The following MAF variants were observed in gnomAD, a reference collection of about 807,000 sequenced individuals.
The protein encoded by MAF is MAF bZIP transcription factor, also known as transcription factor Maf.
In MAF, 10 loss-of-function variants were observed where a neutral mutation model predicts 22.0. That is an observed-to-expected ratio of 0.45 (90% CI 0.28 to 0.77). The LOEUF is 0.77. Among genes scored for constraint, MAF ranks in the 30% least tolerant of loss-of-function variants. The probability of loss-of-function intolerance (pLI) is 0.12; values close to 1 mark genes in which losing one functional copy is unlikely to be tolerated. For synonymous variants in MAF, 337 were observed against 255.8 expected (o/e 1.32, Z -3.03); for missense variants, 544 against 548.4 (o/e 0.99, Z 0.08).
the MAF span, among the ~76,000 whole-genome samples, chr16:79,241,637 G>T: frequency 6.6e-6 from 1 of 152,060 alleles, no homozygotes; most frequent in Non-Finnish European, 1.5e-5. Context: ...TCATCCAGCA[G>T]AACTTCCCCA....
the MAF span, among the ~76,000 whole-genome samples, chr16:79,538,524 A>G: frequency 9.3e-4 from 141 of 152,350 alleles, no homozygotes; most frequent in African/African-American, 3.3e-3. Context: ...AAGAAAGAAT[A>G]TTAAACCTGA....
chr16:79,429,005 G>C, the MAF span, among the ~76,000 whole-genome samples: 1 of 152,140 alleles, frequency 6.6e-6, no homozygotes, highest in Non-Finnish European at 1.5e-5. Flanking sequence ...TCTGGAAATA[G>C]TTCATTTCGA....
chr16:79,383,496 G>T, the MAF span, among the ~76,000 whole-genome samples: 1 of 152,146 alleles, frequency 6.6e-6, no homozygotes, highest in African/African-American at 2.4e-5. Context: ...CACCAAGTTG[G>T]TTTTGAAAAG....
the MAF span, among the ~76,000 whole-genome samples, chr16:79,540,371 G>A: frequency 6.6e-6 from 1 of 152,078 alleles, no homozygotes; most frequent in African/African-American, 2.4e-5. Flanking sequence ...CTGGCTCCCA[G>A]AAGAACCATG....
the MAF span, among the ~76,000 whole-genome samples, chr16:79,249,997 T>C: frequency 6.2e-4 from 94 of 152,376 alleles, no homozygotes; most frequent in South Asian, 0.01. Context: ...CTCAATTCTC[T>C]GGCCTGGCCT....
chr16:79,207,218 T>C, the MAF span, among the ~76,000 whole-genome samples: 1 of 152,222 alleles, frequency 6.6e-6, no homozygotes, highest in African/African-American at 2.4e-5. Flanking sequence ...CCTAGTGGTG[T>C]ATTCACAGAG....
At chr16:79,531,965 C>T in the MAF span, among the ~76,000 whole-genome samples, 1 of 152,090 alleles carries the variant, frequency 6.6e-6, no homozygotes, top group Admixed American at 6.5e-5. Flanking sequence ...CGTGGGAACT[C>T]CTCTTAGGAA....
At chr16:79,562,495 G>A in the MAF span, among the ~76,000 whole-genome samples, 8 of 152,172 alleles carry the variant, frequency 5.3e-5, no homozygotes, top group Admixed American at 4.6e-4. Flanking sequence ...CATTTTGTAG[G>A]CTTAAAGGCC....
chr16:79,384,480 G>A, the MAF span, among the ~76,000 whole-genome samples: 44 of 148,986 alleles, frequency 3.0e-4, no homozygotes, highest in East Asian at 2.0e-4. Context: ...GGGAGCGGCC[G>A]GGCATGGTGG....
At chr16:79,338,120 G>A in the MAF span, among the ~76,000 whole-genome samples, 1 of 152,184 alleles carries the variant, frequency 6.6e-6, no homozygotes, top group Non-Finnish European at 1.5e-5. Flanking sequence ...CTAGTCTAGT[G>A]GTGTAGTCTT....
At chr16:79,586,359 C>T (rs1912840284) in intron 1 of MAF, among the ~76,000 whole-genome samples, 3 of 152,278 alleles carry the variant, frequency 2.0e-5, no homozygotes, top group South Asian at 4.1e-4. Flanking sequence ...GGGAGAACCA[C>T]ACTGGCCCAG....
the MAF span, among the ~76,000 whole-genome samples, chr16:79,344,433 T>C: frequency 6.6e-6 from 1 of 152,162 alleles, no homozygotes; most frequent in East Asian, 1.9e-4. Context: ...TGGGACAATT[T>C]TGAACCTGGA....
chr16:79,522,957 C>G, the MAF span, among the ~76,000 whole-genome samples: 1 of 152,168 alleles, frequency 6.6e-6, no homozygotes, highest in Non-Finnish European at 1.5e-5. Context: ...TGATGTCTTT[C>G]CACCTCAAAA....
chr16:79,212,347 A>G, the MAF span: 4 of 634,808 alleles, frequency 6.3e-6, no homozygotes, highest in East Asian at 2.9e-5. Context: ...TGAGGATGAC[A>G]GTGACACCCA....
intron 1 of MAF, 131 bp from the exon 2 acceptor site, chr16:79,594,684 T>C (rs1913407390): frequency 6.7e-7 from 1 of 1,489,178 alleles, no homozygotes. Flanking sequence ...TGAATGGCAC[T>C]TACTCAGGAT....
chr16:79,387,439 C>T, the MAF span, among the ~76,000 whole-genome samples: 2 of 152,138 alleles, frequency 1.3e-5, no homozygotes, highest in Admixed American at 6.6e-5. Flanking sequence ...AAACAAAAAC[C>T]ACCAGGTCAA....
the MAF span, among the ~76,000 whole-genome samples, chr16:79,537,332 A>G: frequency 2.6e-5 from 4 of 152,210 alleles, no homozygotes; most frequent in East Asian, 7.7e-4. Flanking sequence ...TTAGCCTCTA[A>G]TAGTCATCGA....
chr16:79,259,628 T>C, the MAF span, among the ~76,000 whole-genome samples: 5 of 152,166 alleles, frequency 3.3e-5, no homozygotes, highest in African/African-American at 1.2e-4. Context: ...CTTCACTTGA[T>C]AGAACACAGG....
At chr16:79,298,943 C>T in the MAF span, among the ~76,000 whole-genome samples, 2 of 152,402 alleles carry the variant, frequency 1.3e-5, no homozygotes, top group African/African-American at 4.8e-5. Flanking sequence ...GTAGGCCGAT[C>T]CTCTCAGCCC....
Sources: gnomAD v4.1 joint callset for allele counts (sites outside exome capture counted in the v4.1 genomes callset) on GRCh38, gnomAD v4.1.1 for gene constraint, MANE v1.5 for transcripts, NCBI Gene and HGNC (gene_info 2026-07-23, HGNC 2026-07-21) for gene names.